Variants in CCDC88A observed in about 807,000 individuals in gnomAD.
CCDC88A encodes the protein girdin.
A neutral mutation model predicts 234.3 loss-of-function variants in CCDC88A; 54 were observed. The ratio of observed to expected loss-of-function variants is 0.23; its 90% CI spans 0.19 to 0.29. The LOEUF is 0.29. Ranked by LOEUF, CCDC88A falls within the 10% of genes least tolerant of loss-of-function variation. The pLI is 1.00. For missense variants in CCDC88A, 1,832 were observed against 2,123.4 expected, an observed-to-expected ratio of 0.86 and a Z score of 2.70; for synonymous variants, 753 against 737.8, an observed-to-expected ratio of 1.02 and a Z score of -0.33.
chr2:55,299,341 T>C (rs1279418350), intron 29 of CCDC88A, among the ~76,000 whole-genome samples: 1 of 152,246 alleles, frequency 6.6e-6, no homozygotes, highest in East Asian at 1.9e-4. Flanking sequence ...AAAAAAATCT[T>C]GAAATAATTC....
At chr2:55,324,330 A>G (rs943651263) in intron 17 of CCDC88A, 2 of 152,224 alleles carry the variant, frequency 1.3e-5, no homozygotes, top group African/African-American at 4.8e-5. Context: ...TATATAACCC[A>G]TATATCAACA....
At chr2:55,379,383 T>C (rs1674212234) in intron 3 of CCDC88A, among the ~76,000 whole-genome samples, 1 of 152,160 alleles carries the variant, frequency 6.6e-6, no homozygotes, top group Non-Finnish European at 1.5e-5. Flanking sequence ...ATAAGAAACC[T>C]ATAAAAATAA....
intron 3 of CCDC88A, among the ~76,000 whole-genome samples, chr2:55,387,408 T>G (rs1044375281): frequency 1.3e-5 from 2 of 151,984 alleles, no homozygotes; most frequent in Non-Finnish European, 2.9e-5. Flanking sequence ...GTATAAAATG[T>G]ATGATTTTGA....
chr2:55,348,086 C>T (rs1003568912), intron 9 of CCDC88A, among the ~76,000 whole-genome samples: 17 of 152,158 alleles, frequency 1.1e-4, no homozygotes, highest in African/African-American at 3.1e-4. Flanking sequence ...CTCAGTCTCC[C>T]AAGTAGCTGG....
intron 11 of CCDC88A, 44 bp downstream of exon 11, chr2:55,344,324 T>C: frequency 7.1e-7 from 1 of 1,409,782 alleles, no homozygotes; most frequent in Non-Finnish European, 9.5e-7. Context: ...ATCTTAGAAG[T>C]TTTCCTTAAA....
rs541933185 is a variant in CCDC88A, at chr2:55,309,866, A to T, written c.4080-612T>A. Among the ~76,000 whole-genome samples the T allele has an allele frequency of 2.8e-4, 43 of 152,306 alleles. 1 individual carries two copies. The highest frequency in any genetic ancestry group is 1.5e-3 in the South Asian group (7 of 4,826). On this transcript the variant is annotated intron_variant, in intron 23 of 32. Coordinates refer to ENST00000436346, the MANE Select transcript of CCDC88A (RefSeq NM_001365480.1). This position sits in a 1 kb window ranked among gnomAD's most constrained non-coding sequence, Gnocchi z 5.1. ...CTTTGTTTACAATATAGGAGAGAAG[A>T]TATATCCATAAATTAATATAATAAC...
chr2:55,374,779 A>C, intron 4 of CCDC88A, 35 bp downstream of exon 4: 1 of 1,289,266 alleles, frequency 7.8e-7, no homozygotes, highest in Non-Finnish European at 1.1e-6. Context: ...CACAAAGGTT[A>C]GACATTACTT....
intron 31 of CCDC88A, chr2:55,294,778 A>G (rs1057437375): frequency 2.0e-6 from 2 of 1,006,548 alleles, no homozygotes; most frequent in African/African-American, 1.7e-5. Flanking sequence ...TCAAAGTAAC[A>G]ATCTTATCAG....
In CCDC88A at chr2:55,353,338, A is replaced by G. The variant is rs564192899; in HGVS notation, c.800+2241T>C. Reference sequence around the variant, plus strand: ...TATATGGAGCAAACTAGTGTTCACTATTTAGACTATCCATTAACTGCCAGT... The same window carrying G: ...TATATGGAGCAAACTAGTGTTCACTGTTTAGACTATCCATTAACTGCCAGT... On this transcript the variant is annotated intron_variant, in intron 8 of 32. Transcript: ENST00000436346. Among the ~76,000 whole-genome samples, 12 of 152,324 alleles carry G rather than the reference A, an allele frequency of 7.9e-5. 1 individual carries two copies. Among genetic ancestry groups the G allele is most frequent in the African/African-American group, 2.6e-4 (11 of 41,572 alleles).
chr2:55,389,731 T>G (rs1387607983), intron 2 of CCDC88A, among the ~76,000 whole-genome samples: 1 of 152,028 alleles, frequency 6.6e-6, no homozygotes, highest in Non-Finnish European at 1.5e-5. Context: ...CTTTAATTAA[T>G]ACTTAGTGTG....
intron 2 of CCDC88A, among the ~76,000 whole-genome samples, chr2:55,409,738 CTTT>C (rs61703330): frequency 2.4e-4 from 27 of 111,730 alleles, no homozygotes; most frequent in Non-Finnish European, 3.7e-4. Flanking sequence ...ATATACCTCC[CTTT>C]TTTTTTTTTT....
intron 7 of CCDC88A, among the ~76,000 whole-genome samples, chr2:55,361,344 C>T (rs1315323108): frequency 2.6e-5 from 4 of 151,986 alleles, no homozygotes; most frequent in Non-Finnish European, 5.9e-5. Context: ...GGAATGTTTT[C>T]CAATTTATTC....
Position 55,332,829 on chromosome 2 carries a change from C to A in CCDC88A, c.2728-136G>T, listed in dbSNP as rs777572473. 2.0e-5 allele frequency: 15 copies of A among 752,558 alleles called. No individual in the cohort carries two copies. In the Admixed American group the frequency reaches 2.0e-4, roughly 10 times the overall value. The allele number at this position is 752,558 out of a possible 1,614,324, so 46.6% of individuals were successfully genotyped here. ...AGGAAATGTCATTAAACCATTCCTTCATTATTAAAATGTAGTTAAAGTTAT... is the reference window on the plus strand; with the variant it reads ...AGGAAATGTCATTAAACCATTCCTTAATTATTAAAATGTAGTTAAAGTTAT... On this transcript the variant is annotated intron_variant, in intron 15 of 32. Coordinates refer to ENST00000436346, the MANE Select transcript of CCDC88A (RefSeq NM_001365480.1). This position sits in a 1 kb window ranked among gnomAD's most constrained non-coding sequence, Gnocchi z 4.5.
chr2:55,394,822 A>G (rs1303786052), intron 2 of CCDC88A, among the ~76,000 whole-genome samples: 6 of 151,794 alleles, frequency 4.0e-5, no homozygotes, highest in East Asian at 3.9e-4. Context: ...AATAAAAAAA[A>G]AAAGAAAAAA....
intron 8 of CCDC88A, among the ~76,000 whole-genome samples, chr2:55,353,002 C>T (rs1354317922): frequency 6.6e-6 from 1 of 152,090 alleles, no homozygotes; most frequent in Non-Finnish European, 1.5e-5. Context: ...CATAAAGAAA[C>T]ACATTTTCAA....
intron 8 of CCDC88A, among the ~76,000 whole-genome samples, chr2:55,354,000 T>C (rs573132741): frequency 5.3e-4 from 80 of 152,302 alleles, no homozygotes; most frequent in Non-Finnish European, 1.0e-3. Context: ...GTATAGCCTA[T>C]TGCTTCTCAA....
chr2:55,302,999 G>A, intron 26 of CCDC88A, 70 bp downstream of exon 26: 1 of 959,234 alleles, frequency 1.0e-6, no homozygotes, highest in Non-Finnish European at 1.6e-6. Flanking sequence ...CCAGAGAAAG[G>A]TTAGTGAAAA....
At chr2:55,405,154 CA>C (rs1679338524) in intron 2 of CCDC88A, 1 of 152,276 alleles carries the variant, frequency 6.6e-6, no homozygotes, top group African/African-American at 2.4e-5. Context: ...ATCATACATG[CA>C]GTATGCTTTT....
chr2:55,377,471 A>T lies in CCDC88A; in HGVS notation c.274-2588T>A, dbSNP rs76142092. ...CCGTGCCCAGCGAGATTTTTTTTTT[A>T]AATCATAAATAAGAGAGCTGTATTT... On this transcript the variant is annotated intron_variant, in intron 3 of 32. Coordinates refer to ENST00000436346, the MANE Select transcript of CCDC88A (RefSeq NM_001365480.1). Among the ~76,000 whole-genome samples the T allele has an allele frequency of 2.3e-3, 340 of 146,690 alleles. 2 individuals are homozygous for T. The highest frequency in any genetic ancestry group is 7.5e-3 in the African/African-American group (296 of 39,684).
Sources: allele counts gnomAD v4.1 joint callset (sites outside exome capture counted in the v4.1 genomes callset), GRCh38; gene constraint gnomAD v4.1.1; non-coding constraint Gnocchi (gnomAD v3.1); transcripts MANE v1.5; gene names NCBI Gene and HGNC (gene_info 2026-07-23, HGNC 2026-07-21).